Variants in TENM3 observed in about 807,000 individuals in gnomAD.
The protein encoded by TENM3 is teneurin transmembrane protein 3.
Under a neutral mutation model 255.1 loss-of-function variants are expected in TENM3, and 63 were observed. The ratio of observed to expected loss-of-function variants is 0.25; its 90% CI spans 0.20 to 0.30. TENM3 has a LOEUF of 0.30. Among genes scored for constraint, TENM3 ranks in the 10% least tolerant of loss-of-function variants. The pLI, the probability that TENM3 is intolerant of heterozygous loss-of-function variation, is 1.00. For missense variants in TENM3, 2,929 were observed against 3,461.1 expected (o/e 0.85, Z 3.86); for synonymous variants, 1,306 against 1,322.3 (o/e 0.99, Z 0.27).
At chr4:182,168,183 G>A (rs1039301141) in intron 1 of TENM3, among the ~76,000 whole-genome samples, 1 of 150,962 alleles carries the variant, frequency 6.6e-6, no homozygotes, top group African/African-American at 2.4e-5. Context: ...CACCCAGGCC[G>A]GAGTGCAGTG....
the TENM3 span, among the ~76,000 whole-genome samples, chr4:181,871,304 G>A: frequency 6.6e-6 from 1 of 151,964 alleles, no homozygotes; most frequent in Non-Finnish European, 1.5e-5. Context: ...GATTTTGATT[G>A]ACATTACATT....
intron 1 of TENM3, among the ~76,000 whole-genome samples, chr4:182,151,001 T>A (rs1750298329): frequency 2.0e-5 from 3 of 152,148 alleles, no homozygotes; most frequent in Admixed American, 2.0e-4. Flanking sequence ...AGTTAAATTA[T>A]GCTCAACTAA....
the TENM3 span, among the ~76,000 whole-genome samples, chr4:181,958,822 A>G: frequency 1.3e-5 from 2 of 152,344 alleles, no homozygotes; most frequent in Non-Finnish European, 1.5e-5. Context: ...AGCAGAATAC[A>G]TACTACGACA....
intron 12 of TENM3, among the ~76,000 whole-genome samples, chr4:182,695,406 C>T (rs2152616776): frequency 6.6e-6 from 1 of 152,318 alleles, no homozygotes; most frequent in African/African-American, 2.4e-5. Context: ...CTTCACACTC[C>T]AACATCCTCT....
intron 1 of TENM3, among the ~76,000 whole-genome samples, chr4:182,310,851 C>A (rs749145856): frequency 6.6e-6 from 1 of 152,082 alleles, no homozygotes; most frequent in Non-Finnish European, 1.5e-5. Context: ...GGACTACAGG[C>A]GTGTGTCACC....
the TENM3 span, among the ~76,000 whole-genome samples, chr4:182,136,566 A>T: frequency 6.6e-6 from 1 of 152,222 alleles, no homozygotes; most frequent in Non-Finnish European, 1.5e-5. Context: ...AAGGATATTA[A>T]CACATACCTA....
intron 6 of TENM3, among the ~76,000 whole-genome samples, chr4:182,661,781 A>T (rs992127311): frequency 3.9e-5 from 6 of 152,166 alleles, no homozygotes; most frequent in African/African-American, 1.4e-4. Context: ...CTTAATTATT[A>T]GTGCCTCTGT....
chr4:181,695,756 G>C, the TENM3 span, among the ~76,000 whole-genome samples: 1 of 152,128 alleles, frequency 6.6e-6, no homozygotes. Context: ...TCGTTAAGCA[G>C]AGCCGGTTAA....
At chr4:182,044,711 C>A in the TENM3 span, among the ~76,000 whole-genome samples, 1 of 152,156 alleles carries the variant, frequency 6.6e-6, no homozygotes, top group Non-Finnish European at 1.5e-5. Context: ...TAAGCTCCAC[C>A]CTTTCCCGGG....
chr4:181,701,215 A>T, the TENM3 span, among the ~76,000 whole-genome samples: 1 of 152,224 alleles, frequency 6.6e-6, no homozygotes, highest in African/African-American at 2.4e-5. Flanking sequence ...CTGGCATGAC[A>T]AAGTAATCGG....
intron 12 of TENM3, among the ~76,000 whole-genome samples, chr4:182,696,663 T>A (rs1200312488): frequency 6.6e-6 from 1 of 151,840 alleles, no homozygotes; most frequent in Admixed American, 6.6e-5. Context: ...AGTCAGAGGT[T>A]GCAGTGAGCT....
chr4:181,694,838 G>A, the TENM3 span, among the ~76,000 whole-genome samples: 1 of 152,126 alleles, frequency 6.6e-6, no homozygotes, highest in Middle Eastern at 3.2e-3. Context: ...GCTGTTTTGT[G>A]ATTTAAGACT....
chr4:182,302,991 C>T (rs762543284), intron 1 of TENM3, among the ~76,000 whole-genome samples: 1 of 151,856 alleles, frequency 6.6e-6, no homozygotes, highest in African/African-American at 2.4e-5. Flanking sequence ...TATCAGTCAT[C>T]GAAGTGGAAA....
At chr4:182,679,499 C>T (rs1755940983) in intron 7 of TENM3, among the ~76,000 whole-genome samples, 167 bp from the exon 8 acceptor site, 1 of 152,122 alleles carries the variant, frequency 6.6e-6, no homozygotes, top group South Asian at 2.1e-4. Flanking sequence ...TTTGCGTCCT[C>T]CTTGTAAATG....
chr4:181,727,266 T>C, the TENM3 span, among the ~76,000 whole-genome samples: 1 of 152,186 alleles, frequency 6.6e-6, no homozygotes, highest in Non-Finnish European at 1.5e-5. Context: ...TCTTGTGGTA[T>C]CTAAGAGTTT....
chr4:182,778,723 A>G lies in TENM3; in HGVS notation c.5304+3570A>G, dbSNP rs187143803. Among the ~76,000 whole-genome samples the G allele has an allele frequency of 1.1e-4, 16 of 152,218 alleles. No individual in the cohort carries two copies. The East Asian group carries it at 3.1e-3, about 29-fold the overall frequency. ...CAAAGTGATGTTGTGATTAATTACA[A>G]TCATGCTGGACATGATCTTTGAAAA... On this transcript the variant is annotated intron_variant, in intron 24 of 27. Transcript: ENST00000511685.
chr4:181,671,758 A>G, the TENM3 span, among the ~76,000 whole-genome samples: 1 of 142,040 alleles, frequency 7.0e-6, no homozygotes, highest in Non-Finnish European at 1.5e-5. Flanking sequence ...TTTTTTTTTT[A>G]TCTTTGCATT....
Position 182,679,865 on chromosome 4 carries a change from C to G in TENM3, c.1526C>G (p.Thr509Ser). ...AATGCAGAGCAGGTGTCTTTTAATA[C>G]CATTGTTATAGGTAAGAATAGTCTT... The part of the protein sequence containing the change: ...GKNAEQVSFN[T>S]IVIESVVECP... The change falls in exon 8 of 28, where the codon ACC (threonine) becomes AGC (serine). Residue 509 changes from threonine to serine, a missense_variant. Coordinates refer to ENST00000511685, the MANE Select transcript of TENM3 (RefSeq NM_001080477.4). The G allele has an allele frequency of 6.2e-7, 1 of 1,608,766 alleles. No individual in the cohort carries two copies. The highest frequency in any genetic ancestry group is 1.1e-5 in the South Asian group (1 of 90,244).
chr4:181,682,493 T>G, the TENM3 span, among the ~76,000 whole-genome samples: 2 of 152,170 alleles, frequency 1.3e-5, no homozygotes, highest in Non-Finnish European at 2.9e-5. Context: ...ACACGGACAT[T>G]TGTGTGAACC....
Sources: gnomAD v4.1 joint callset for allele counts (sites outside exome capture counted in the v4.1 genomes callset) on GRCh38, gnomAD v4.1.1 for gene constraint, MANE v1.5 for transcripts, NCBI Gene and HGNC (gene_info 2026-07-23, HGNC 2026-07-21) for gene names.